The following UBE2U variants were observed in gnomAD, a reference collection of about 807,000 sequenced individuals.
The protein encoded by UBE2U is ubiquitin conjugating enzyme E2 U, also known as ubiquitin-conjugating enzyme E2 U.
Under a neutral mutation model 41.2 loss-of-function variants are expected in UBE2U, and 39 were observed. That is an observed-to-expected ratio of 0.95 (90% CI 0.73 to 1.24). The LOEUF (loss-of-function observed/expected upper bound fraction) is 1.24. UBE2U is among the 50% of genes most tolerant of loss of function. The pLI, the probability that UBE2U is intolerant of heterozygous loss-of-function variation, is 0.00. For synonymous variants in UBE2U, 107 were observed against 117.8 expected (o/e 0.91, Z 0.60); for missense variants, 336 against 363.1 (o/e 0.93, Z 0.61).
chr1:64,229,052 G>T (rs1031246705), intron 6 of UBE2U, among the ~76,000 whole-genome samples: 1 of 151,896 alleles, frequency 6.6e-6, no homozygotes, highest in African/African-American at 2.4e-5. Context: ...GTAGAGACAG[G>T]GTTTCACCAT....
chr1:64,259,313 G>A (rs936341352), intron 8 of UBE2U, among the ~76,000 whole-genome samples: 5 of 152,142 alleles, frequency 3.3e-5, no homozygotes, highest in Non-Finnish European at 7.3e-5. Context: ...CTGTGCAGAA[G>A]CTCTTTAGTT....
chr1:64,217,953 TA>T (rs1388623645), intron 5 of UBE2U, among the ~76,000 whole-genome samples: 2 of 152,184 alleles, frequency 1.3e-5, no homozygotes, highest in African/African-American at 4.8e-5. Context: ...TCACTGGGTT[TA>T]AAAAAATCCT....
At position 64,214,826 on chromosome 1, in the gene UBE2U, T is replaced by G. The variant is rs754359551; in HGVS notation, c.351T>G (p.Ser117=). 1 of 1,613,960 alleles carries G rather than the reference T, an allele frequency of 6.2e-7. No homozygotes were observed. Among genetic ancestry groups the G allele is most frequent in the Non-Finnish European group, 8.5e-7 (1 of 1,179,804 alleles). Residue 117 remains serine, a synonymous_variant, in exon 5 of 10, where the codon TCT becomes TCG. Transcript: ENST00000371077. ...GTGTTTTCCTATAGGTTATGCTTTC[T>G]AATCCAGTGCTAGAGAATCCAGTGA... The part of the protein sequence containing the change: ...SILLALQVML[S]NPVLENPVNL...
At chr1:64,249,134 T>C (rs1644966110) in intron 8 of UBE2U, among the ~76,000 whole-genome samples, 1 of 151,820 alleles carries the variant, frequency 6.6e-6, no homozygotes, top group Non-Finnish European at 1.5e-5. Flanking sequence ...CCCAGCACTT[T>C]GGGAGGACAA....
chr1:64,214,756 C>G, intron 4 of UBE2U, 59 bp from the exon 5 acceptor site: 1 of 1,326,124 alleles, frequency 7.5e-7, no homozygotes, highest in South Asian at 1.2e-5. Context: ...ATTGGTTTGT[C>G]GTTTTGCTCT....
intron 7 of UBE2U, among the ~76,000 whole-genome samples, chr1:64,237,116 G>A (rs1171035610): frequency 3.3e-5 from 5 of 151,966 alleles, no homozygotes; most frequent in African/African-American, 9.7e-5. Flanking sequence ...TTGTACTTTG[G>A]TTTTCATTTC....
intron 3 of UBE2U, 122 bp downstream of exon 3, chr1:64,206,978 G>A: frequency 7.5e-6 from 5 of 664,018 alleles, no homozygotes; most frequent in East Asian, 3.0e-5. Flanking sequence ...CTCTCATTGG[G>A]GAAAATATGA....
At chr1:64,237,998 A>G (rs1445450018) in intron 7 of UBE2U, among the ~76,000 whole-genome samples, 2 of 152,260 alleles carry the variant, frequency 1.3e-5, no homozygotes, top group Non-Finnish European at 2.9e-5. Context: ...GGCTAAGAGT[A>G]ATGAAGAGTC....
chr1:64,239,128 A>AGAGGAAGAGGAAGAGGAAGAG (rs1557730256), intron 7 of UBE2U, among the ~76,000 whole-genome samples: 18 of 23,372 alleles, frequency 7.7e-4, no homozygotes, highest in East Asian at 3.6e-3. Flanking sequence ...AAGAAGAAGA[A>AGAGGAAGAGGAAGAGGAAGAG]GAAGAAGAAG....
chr1:64,246,288 T>G (rs2100484927), intron 8 of UBE2U, among the ~76,000 whole-genome samples: 1 of 152,316 alleles, frequency 6.6e-6, no homozygotes, highest in East Asian at 1.9e-4. Context: ...GGTGTCTGAT[T>G]TTGTGAGCAT....
At chr1:64,222,213 A>G (rs1541064) in intron 6 of UBE2U, among the ~76,000 whole-genome samples, 110,668 of 152,042 alleles carry the variant, frequency 0.73, 41,583 homozygotes, top group African/African-American at 0.93. Flanking sequence ...TCAATAGAGG[A>G]CATTGCCACC....
chr1:64,245,711 A>G (rs1644909173), intron 8 of UBE2U, among the ~76,000 whole-genome samples: 1 of 152,100 alleles, frequency 6.6e-6, no homozygotes, highest in Non-Finnish European at 1.5e-5. Context: ...TCAAAGCCAC[A>G]ACAAATCAAC....
At chr1:64,204,146 T>G in intron 1 of UBE2U, 30 bp downstream of exon 1, 1 of 1,594,044 alleles carries the variant, frequency 6.3e-7, no homozygotes, top group Non-Finnish European at 8.6e-7. Flanking sequence ...AGAGATGTGT[T>G]TCATTGTGCA....
In UBE2U at chr1:64,267,290, CTTGGA is replaced by C. The variant is rs1645269271; in HGVS notation, c.*85_*89del. The C allele has an allele frequency of 8.4e-7, 1 of 1,192,222 alleles. No individual in the cohort carries two copies. The highest frequency in any genetic ancestry group is 3.5e-5 in the Admixed American group (1 of 28,782). 73.9% of individuals were successfully genotyped at this position (1,192,222 alleles called of 1,614,324 possible). Reference sequence around the variant, plus strand: ...GAGCAATTTTGGAAGACTCTCAGAACTTGGATTTCATTTTTTTTAAGTTGTTCTCA... The same window carrying C: ...GAGCAATTTTGGAAGACTCTCAGAACTTTCATTTTTTTTAAGTTGTTCTCA... On this transcript the variant is annotated 3_prime_UTR_variant, in exon 10 of 10. Coordinates refer to ENST00000371077, the MANE Select transcript of UBE2U (RefSeq NM_001366232.2).
chr1:64,205,772 T>C, intron 2 of UBE2U, 52 bp downstream of exon 2: 3 of 1,436,812 alleles, frequency 2.1e-6, no homozygotes, highest in Non-Finnish European at 2.9e-6. Flanking sequence ...TATACCATTA[T>C]TAGCCCATCC....
intron 8 of UBE2U, among the ~76,000 whole-genome samples, chr1:64,242,587 G>T (rs1028963592): frequency 1.8e-4 from 27 of 151,880 alleles, no homozygotes; most frequent in African/African-American, 6.3e-4. Flanking sequence ...CTGAGGAATT[G>T]AATATATTTT....
intron 6 of UBE2U, among the ~76,000 whole-genome samples, chr1:64,226,072 G>A (rs1001015979): frequency 2.6e-5 from 4 of 152,062 alleles, no homozygotes; most frequent in Admixed American, 6.6e-5. Context: ...ACAAATGTTC[G>A]TAGCAGCTTT....
At chr1:64,256,607 C>G (rs1367926216) in intron 8 of UBE2U, among the ~76,000 whole-genome samples, 1 of 152,078 alleles carries the variant, frequency 6.6e-6, no homozygotes, top group Non-Finnish European at 1.5e-5. Context: ...CCACCTTACA[C>G]AAAAATTAGC....
Position 64,231,795 on chromosome 1 carries a change from C to T in UBE2U, c.507-766C>T, listed in dbSNP as rs373139767. The stretch of plus-strand genomic sequence containing the variant: ...CTTCAATTGGAAAACAGGCATAAGG[C>T]ATATTGCACTGGATGTCTAAGCAGC... On this transcript the variant is annotated intron_variant, in intron 6 of 9. Coordinates refer to ENST00000371077, the MANE Select transcript of UBE2U (RefSeq NM_001366232.2). Among the ~76,000 whole-genome samples, 33 of 152,256 alleles carry T rather than the reference C, an allele frequency of 2.2e-4. 6 individuals carry two copies. The South Asian group carries it at 3.3e-3, about 15-fold the overall frequency.
Sources: gnomAD v4.1 joint callset for allele counts (sites outside exome capture counted in the v4.1 genomes callset) on GRCh38, gnomAD v4.1.1 for gene constraint, MANE v1.5 for transcripts, NCBI Gene and HGNC (gene_info 2026-07-23, HGNC 2026-07-21) for gene names.